Variants in CLCN5 observed in about 807,000 individuals in gnomAD.
CLCN5 encodes H(+)/Cl(-) exchange transporter 5.
CLCN5 carries 17 observed loss-of-function variants against 54.0 expected under a neutral mutation model. The ratio of observed to expected loss-of-function variants is 0.31; its 90% CI spans 0.22 to 0.47. The LOEUF is 0.47. CLCN5 is among the 20% of genes least tolerant of loss of function. The pLI, the probability that CLCN5 is intolerant of heterozygous loss-of-function variation, is 1.00. For missense variants in CLCN5, 448 were observed against 646.7 expected, an observed-to-expected ratio of 0.69 and a Z score of 3.33; for synonymous variants, 222 against 233.0, an observed-to-expected ratio of 0.95 and a Z score of 0.43.
chrX:50,003,560 C>T, intron 3 of CLCN5: 1 of 377,076 alleles, frequency 2.7e-6, no homozygotes, highest in Non-Finnish European at 5.3e-6. Flanking sequence ...AAACCCCTCC[C>T]ACATGCAGGG....
intron 3 of CLCN5, among the ~76,000 whole-genome samples, chrX:49,984,109 A>G (rs897948440): frequency 3.6e-5 from 4 of 111,646 alleles, no homozygotes; most frequent in African/African-American, 1.3e-4. Context: ...CAGACATATC[A>G]TATTTGTGAT....
At chrX:50,085,600 C>T (rs1933856348) in intron 9 of CLCN5, 1 of 238,886 alleles carries the variant, frequency 4.2e-6, no homozygotes, top group Non-Finnish European at 7.7e-6. Context: ...AAAAAGCATT[C>T]CTTTGCAAAG....
chrX:50,017,500 A>G (rs112154410), intron 3 of CLCN5, among the ~76,000 whole-genome samples: 5,143 of 111,718 alleles, frequency 0.046, 306 homozygotes, highest in African/African-American at 0.16. Flanking sequence ...CCAGTCTATC[A>G]ATTTTTTCTT....
chrX:50,085,600 C>A (rs1933856348), intron 9 of CLCN5: 1 of 238,885 alleles, frequency 4.2e-6, no homozygotes, highest in African/African-American at 2.8e-5. Flanking sequence ...AAAAAGCATT[C>A]CTTTGCAAAG....
chrX:50,081,636 T>C lies in CLCN5; in HGVS notation c.727-5T>C, dbSNP rs371608005. On this transcript the variant is annotated splice_polypyrimidine_tract_variant and splice_region_variant and intron_variant, in intron 8 of 14. Coordinates refer to ENST00000376091, the MANE Select transcript of CLCN5 (RefSeq NM_001127898.4). ...ATATTCAATCTTTCTGTGTTTAACC[T>C]GCAGATAAAAACTATCTTGAGTGGT... The C allele has an allele frequency of 7.6e-5, 91 of 1,194,367 alleles. No homozygotes were observed. The highest frequency in any genetic ancestry group is 9.5e-5 in the Non-Finnish European group (84 of 881,241).
intron 3 of CLCN5, among the ~76,000 whole-genome samples, chrX:50,023,173 G>A (rs1215916494): frequency 1.1e-5 from 1 of 87,374 alleles, no homozygotes; most frequent in Non-Finnish European, 2.0e-5. Flanking sequence ...TGTATTGGGT[G>A]CATAAATATT....
chrX:49,994,112 A>G (rs1305420826), intron 3 of CLCN5, among the ~76,000 whole-genome samples: 1 of 112,192 alleles, frequency 8.9e-6, no homozygotes, highest in African/African-American at 3.2e-5. Context: ...AGCAATTGTG[A>G]TAGCAGAGAA....
chrX:50,062,740 T>C (rs1245913826), intron 4 of CLCN5, among the ~76,000 whole-genome samples: 2 of 99,321 alleles, frequency 2.0e-5, no homozygotes, highest in African/African-American at 4.6e-5. Flanking sequence ...TATTCCAAAA[T>C]TGACCACATA....
At chrX:49,971,717 A>T (rs1283192577) in intron 3 of CLCN5, among the ~76,000 whole-genome samples, 3 of 111,870 alleles carry the variant, frequency 2.7e-5, no homozygotes, top group Non-Finnish European at 5.6e-5. Flanking sequence ...TCTGTAACCC[A>T]GAGCTGGGGA....
rs144626500 is a variant in CLCN5 at position 49,979,433 on chromosome X, T to C, written c.16+54119T>C. 4.4e-4 allele frequency among the ~76,000 whole-genome samples: 49 copies of C among 111,944 alleles called. No homozygotes were observed. In the East Asian group the frequency reaches 0.012, roughly 28 times the overall value. ...ATTTGTTTGAAAGAATGAACTTGTC[T>C]ATAAGTCTCGTATATTGCTCATTTC... On this transcript the variant is annotated intron_variant, in intron 3 of 14. Transcript: ENST00000376091.
intron 3 of CLCN5, among the ~76,000 whole-genome samples, chrX:49,944,947 T>C (rs781898528): frequency 8.9e-6 from 1 of 112,585 alleles, no homozygotes; most frequent in African/African-American, 3.2e-5. Context: ...CCTGCGTCTG[T>C]TATTACCTTT....
chrX:50,098,137 T>G lies in CLCN5; in HGVS notation c.*5918T>G, dbSNP rs1934318818. 8.9e-6 allele frequency: 1 copy of G among 112,474 alleles called. No homozygotes were observed. Among genetic ancestry groups the G allele is most frequent in the South Asian group, 3.7e-4 (1 of 2,693 alleles). 9.3% of individuals were successfully genotyped at this position (112,474 alleles called of 1,213,427 possible). On this transcript the variant is annotated 3_prime_UTR_variant, in exon 15 of 15. Coordinates refer to ENST00000376091, the MANE Select transcript of CLCN5 (RefSeq NM_001127898.4). The stretch of plus-strand genomic sequence containing the variant: ...TTTTTTTTATAAGTATGTATTTACT[T>G]TTTATTATATATTTGGTCCTTTGGG...
Position 50,086,590 on chromosome X carries a change from C to T in CLCN5, c.1277C>T (p.Pro426Leu). ...AAGACCACCCAGTTGGGCAAGTATC[C>T]TGTTATAGAGGTACTCGTCGTGACA... ...KRKTTQLGKYPVIEVLVVTAI... is the reference protein window; with the variant it reads ...KRKTTQLGKYLVIEVLVVTAI... Residue 426 changes from proline (P) to leucine (L), a missense_variant, in exon 11 of 15, where the codon CCT becomes CTT. By Grantham distance (98) the Pro-to-Leu change is moderately conservative. Transcript: ENST00000376091. 1 of 1,211,048 alleles carries T rather than the reference C, an allele frequency of 8.3e-7. No individual in the cohort carries two copies. Among genetic ancestry groups the T allele is most frequent in the African/African-American group, 1.7e-5 (1 of 57,646 alleles).
chrX:50,082,166 T>C (rs782321074), intron 9 of CLCN5, among the ~76,000 whole-genome samples: 26 of 112,152 alleles, frequency 2.3e-4, no homozygotes, highest in African/African-American at 8.4e-4. Context: ...CTTTTATATA[T>C]TGACTTGGAA....
At chrX:49,990,254 T>C (rs1411667524) in intron 3 of CLCN5, among the ~76,000 whole-genome samples, 5 of 110,222 alleles carry the variant, frequency 4.5e-5, no homozygotes, top group South Asian at 4.0e-4. Flanking sequence ...AACCTCTGCC[T>C]CCCGGGTCCA....
chrX:50,057,834 C>T (rs1306068531), intron 4 of CLCN5, among the ~76,000 whole-genome samples: 1 of 110,052 alleles, frequency 9.1e-6, no homozygotes, highest in South Asian at 4.0e-4. Context: ...GATTAATTAT[C>T]AGGGCTTCCG....
At chrX:50,071,671 C>T (rs181002266) in intron 5 of CLCN5, among the ~76,000 whole-genome samples, 1 of 111,995 alleles carries the variant, frequency 8.9e-6, no homozygotes, top group East Asian at 2.8e-4. Flanking sequence ...CTTTTCAGCA[C>T]TGAAATTGGA....
rs1929216985 is a variant in CLCN5, at chrX:49,990,730, A to C, written c.17-51586A>C. 4.5e-5 allele frequency among the ~76,000 whole-genome samples: 5 copies of C among 111,771 alleles called. No individual in the cohort carries two copies. In the South Asian group the frequency reaches 1.9e-3, roughly 41 times the overall value. On this transcript the variant is annotated intron_variant, in intron 3 of 14. Transcript: ENST00000376091. ...TGGGATTACAGGCATGAGCCACCAC[A>C]CCCAGCCATTATATCATTCTTATGC...
At chrX:49,975,290 T>A (rs1202500530) in intron 3 of CLCN5, among the ~76,000 whole-genome samples, 1 of 111,963 alleles carries the variant, frequency 8.9e-6, no homozygotes, top group Non-Finnish European at 1.9e-5. Context: ...AAAGTGATTC[T>A]TTAAGGGTCT....
Sources: allele counts gnomAD v4.1 joint callset (sites outside exome capture counted in the v4.1 genomes callset), GRCh38; gene constraint gnomAD v4.1.1; transcripts MANE v1.5; gene names NCBI Gene and HGNC (gene_info 2026-07-23, HGNC 2026-07-21).